FAM161B: variants seen among roughly 807,000 people sequenced by gnomAD.
FAM161B encodes protein FAM161B.
A neutral mutation model predicts 61.5 loss-of-function variants in FAM161B; 46 were observed. The ratio of observed to expected loss-of-function variants is 0.75; its 90% CI spans 0.59 to 0.96. The LOEUF (loss-of-function observed/expected upper bound fraction) is 0.96. Among genes scored for constraint, FAM161B ranks in the 40% least tolerant of loss-of-function variants. The pLI is 0.00. For synonymous variants in FAM161B, 284 were observed against 302.7 expected (o/e 0.94, Z 0.64); for missense variants, 774 against 800.7 (o/e 0.97, Z 0.40).
At chr14:73,930,620 A>G (rs201227297), downstream of FAM161B, among the ~76,000 whole-genome samples, 30 of 152,128 alleles carry the variant, frequency 2.0e-4, no homozygotes, top group East Asian at 5.8e-4. Context: ...TGTGTCTGAA[A>G]ACAGTCTCAG....
chr14:73,936,964 T>G (rs1189021993), intron 7 of FAM161B, among the ~76,000 whole-genome samples: 1 of 152,084 alleles, frequency 6.6e-6, no homozygotes, highest in African/African-American at 2.4e-5. Context: ...CCAACATCCC[T>G]AAAAGTCTAC....
rs1354389813 is a variant in FAM161B at position 73,933,503 on chromosome 14, T to C, written c.*753A>G. 6.6e-6 allele frequency: 1 copy of C among 152,218 alleles called. No homozygotes were observed. Among genetic ancestry groups the C allele is most frequent in the Admixed American group, 6.5e-5 (1 of 15,286 alleles). The allele number at this position is 152,218 out of a possible 1,614,324, so 9.4% of individuals were successfully genotyped here. A position where few individuals can be genotyped will look rare whatever the true frequency, so the allele number is the denominator to read the frequency against. On this transcript the variant is annotated 3_prime_UTR_variant, in exon 9 of 9. Transcript: ENST00000286544. Reference sequence around the variant, plus strand: ...TGTATTTTATTTTGCCCATACAATATTTCTAAGTAATTTTTAAATTAGTTG... The same window carrying C: ...TGTATTTTATTTTGCCCATACAATACTTCTAAGTAATTTTTAAATTAGTTG...
chr14:73,923,596 A>T, the FAM161B span: 3 of 1,530,240 alleles, frequency 2.0e-6, no homozygotes, highest in East Asian at 4.7e-5. Flanking sequence ...AGGACCTGAA[A>T]AAGTCTCCAG....
At chr14:73,948,767 C>G (rs1885742948) in intron 1 of FAM161B, among the ~76,000 whole-genome samples, 1 of 152,270 alleles carries the variant, frequency 6.6e-6, no homozygotes, top group Admixed American at 6.5e-5. Flanking sequence ...TAACCCTCCA[C>G]ACCCCACCCC....
At chr14:73,946,798 G>A (rs1471536044) in intron 1 of FAM161B, among the ~76,000 whole-genome samples, 193 bp from the exon 2 acceptor site, 1 of 152,136 alleles carries the variant, frequency 6.6e-6, no homozygotes, top group South Asian at 2.1e-4. Flanking sequence ...TGTGTTTCTT[G>A]GTCTAAAGAA....
rs192746698 is a variant in FAM161B at position 73,939,504 on chromosome 14, G to A, written c.1401-1392C>T. ...ATAGGGGAGGTGATTGAGGCTCAAA[G>A]GAGGTAAGCCCCTTGCTCAAAGCTA... is the stretch of plus-strand genomic sequence containing the variant. On this transcript the variant is annotated intron_variant, in intron 5 of 8. Coordinates refer to ENST00000286544, the MANE Select transcript of FAM161B (RefSeq NM_152445.3). Among the ~76,000 whole-genome samples, 3 of 152,318 alleles carry A rather than the reference G, an allele frequency of 2.0e-5. No individual in the cohort carries two copies. In the East Asian group the frequency reaches 5.8e-4, roughly 29 times the overall value.
At position 73,932,544 on chromosome 14, in the gene FAM161B, G is replaced by A; in HGVS notation, c.*1712C>T. On this transcript the variant is annotated 3_prime_UTR_variant, in exon 9 of 9. Coordinates refer to ENST00000286544, the MANE Select transcript of FAM161B (RefSeq NM_152445.3). ...CCACAAAGATAGTTTTTTTAAAAAA[G>A]CTTGAGAAAGGTGCTTTAGTTAGAG... The A allele has an allele frequency of 2.3e-6, 1 of 441,464 alleles. No homozygotes were observed. Among genetic ancestry groups the A allele is most frequent in the Non-Finnish European group, 4.5e-6 (1 of 222,770 alleles). The allele number at this position is 441,464 out of a possible 1,614,324, so 27.3% of individuals were successfully genotyped here.
downstream of FAM161B, among the ~76,000 whole-genome samples, chr14:73,926,646 G>A (rs151097129): frequency 6.6e-6 from 1 of 152,108 alleles, no homozygotes; most frequent in African/African-American, 2.4e-5. Context: ...TGTTGGCCAG[G>A]CTGGTCCCAA....
chr14:73,948,479 G>C (rs936452705), intron 1 of FAM161B, among the ~76,000 whole-genome samples: 1 of 152,142 alleles, frequency 6.6e-6, no homozygotes, highest in Non-Finnish European at 1.5e-5. Context: ...TTGATGAGGA[G>C]CCAGGCTTAC....
Position 73,934,176 on chromosome 14 carries a change from AC to A in FAM161B, c.*79del. The A allele has an allele frequency of 6.5e-7, 1 of 1,540,480 alleles. No homozygotes were observed. The highest frequency in any genetic ancestry group is 8.8e-7 in the Non-Finnish European group (1 of 1,140,308). On this transcript the variant is annotated 3_prime_UTR_variant, in exon 9 of 9. Transcript: ENST00000286544. ...CCTCTAACAGTAGCCATGACTCAAA[AC>A]CCAAGTTTTCCCTGCCTTGACTCAA...
chr14:73,932,475 G>A lies in FAM161B; in HGVS notation c.*1781C>T, dbSNP rs1339329407. 2.2e-6 allele frequency: 1 copy of A among 453,854 alleles called. No individual in the cohort carries two copies. The highest frequency in any genetic ancestry group is 4.4e-6 in the Non-Finnish European group (1 of 226,386). The allele number at this position is 453,854 out of a possible 1,614,324, so 28.1% of individuals were successfully genotyped here. A position where few individuals can be genotyped will look rare whatever the true frequency, so the allele number is the denominator to read the frequency against. ...TTACTCTGTCACCACCAAAAAAGAC[G>A]CATCTGAGAAAATGGCAATAAAAAC... On this transcript the variant is annotated 3_prime_UTR_variant, in exon 9 of 9. Transcript: ENST00000286544.
chr14:73,926,485 G>C, the FAM161B span, among the ~76,000 whole-genome samples: 6 of 152,052 alleles, frequency 3.9e-5, no homozygotes, highest in African/African-American at 1.4e-4. Context: ...CAGGTCAAGA[G>C]TGCAGTGGCG....
Position 73,944,591 on chromosome 14 carries a change from T to A in FAM161B, c.669A>T (p.Ala223=), listed in dbSNP as rs1456591946. 6.2e-7 allele frequency: 1 copy of A among 1,614,078 alleles called. No homozygotes were observed. The highest frequency in any genetic ancestry group is 8.5e-7 in the Non-Finnish European group (1 of 1,180,012). The change falls in exon 3 of 9, where the codon GCA becomes GCT. Residue 223 remains alanine (A), a synonymous_variant. Transcript: ENST00000286544. ...CTTGGTAGAGGGGCAGGTAGACATG[T>A]GCAGGCACAGGCTGTGCCCGGAACT... ...HRQFRAQPVP[A]HVYLPLYQEI...
Position 73,934,213 on chromosome 14 carries a change from G to A in FAM161B, c.*43C>T, listed in dbSNP as rs372282763. On this transcript the variant is annotated 3_prime_UTR_variant, in exon 9 of 9. Transcript: ENST00000286544. ...CCTGCCTTGACTCAAACCCAAGTTA[G>A]CTGCTTAATATTTTTCAAAAGCAGT... 24 of 1,595,032 alleles carry A rather than the reference G, an allele frequency of 1.5e-5. No individual in the cohort carries two copies. Among genetic ancestry groups the A allele is most frequent in the Non-Finnish European group, 2.0e-5 (23 of 1,171,796 alleles).
At chr14:73,939,152 T>C (rs1435787583) in intron 5 of FAM161B, among the ~76,000 whole-genome samples, 1 of 151,878 alleles carries the variant, frequency 6.6e-6, no homozygotes, top group Non-Finnish European at 1.5e-5. Flanking sequence ...CAAAAAAAAT[T>C]AGCTGGGTGT....
Position 73,945,123 on chromosome 14 carries a change from T to C in FAM161B, c.375-238A>G, listed in dbSNP as rs376245165. Among the ~76,000 whole-genome samples the C allele has an allele frequency of 4.6e-5, 7 of 152,312 alleles. 1 individual carries two copies. The East Asian group carries it at 5.8e-4, about 13-fold the overall frequency. On this transcript the variant is annotated intron_variant, in intron 2 of 8. Coordinates refer to ENST00000286544, the MANE Select transcript of FAM161B (RefSeq NM_152445.3). ...CCACTTTGCACTCTAATATTTCATA[T>C]GAGAGAGAGAACAATGAGCAGAGTA...
At chr14:73,949,567 C>T (rs892046264) in intron 1 of FAM161B, among the ~76,000 whole-genome samples, 2 of 150,622 alleles carry the variant, frequency 1.3e-5, no homozygotes, top group Non-Finnish European at 3.0e-5. Context: ...CCATGTTGGC[C>T]AGGCTGGTCT....
At chr14:73,937,087 TAAAAG>T (rs1318012414) in intron 7 of FAM161B, among the ~76,000 whole-genome samples, 8 of 135,512 alleles carry the variant, frequency 5.9e-5, no homozygotes, top group Non-Finnish European at 1.0e-4. Context: ...GCATACAAAA[TAAAAG>T]AAGAAAAAAA....
At chr14:73,931,355 C>T (rs1327304847), downstream of FAM161B, 5 of 617,096 alleles carry the variant, frequency 8.1e-6, no homozygotes, top group East Asian at 3.2e-5. Flanking sequence ...TCTATCAGTC[C>T]GTGCATGTGT....
Sources: allele counts gnomAD v4.1 joint callset (sites outside exome capture counted in the v4.1 genomes callset), GRCh38; gene constraint gnomAD v4.1.1; transcripts MANE v1.5; gene names NCBI Gene and HGNC (gene_info 2026-07-23, HGNC 2026-07-21).